Variants in TMEM108 observed in about 807,000 individuals in gnomAD.
The protein encoded by TMEM108 is transmembrane protein 108.
In TMEM108, 12 loss-of-function variants were observed where a neutral mutation model predicts 35.1. That is an observed-to-expected ratio of 0.34 (90% confidence interval 0.22 to 0.55). The LOEUF is 0.55. TMEM108 is among the 20% of genes least tolerant of loss of function. The pLI is 0.89. For synonymous variants in TMEM108, 287 were observed against 308.6 expected, an observed-to-expected ratio of 0.93 and a Z score of 0.73; for missense variants, 680 against 753.3, an observed-to-expected ratio of 0.90 and a Z score of 1.14.
At chr3:133,177,234 G>C (rs919723533) in intron 2 of TMEM108, among the ~76,000 whole-genome samples, 4 of 152,144 alleles carry the variant, frequency 2.6e-5, no homozygotes, top group Non-Finnish European at 4.4e-5. Flanking sequence ...TCTACCAGAG[G>C]TACAAGGAGG....
intron 2 of TMEM108, among the ~76,000 whole-genome samples, chr3:133,074,701 C>G (rs1387506917): frequency 6.6e-6 from 1 of 152,156 alleles, no homozygotes; most frequent in South Asian, 2.1e-4. Flanking sequence ...GTTGGCCAGG[C>G]TAGTCTCGAA....
chr3:133,370,927 G>A, intron 3 of TMEM108, among the ~76,000 whole-genome samples: 1 of 89,354 alleles, frequency 1.1e-5, no homozygotes, highest in Non-Finnish European at 2.4e-5. Context: ...TGTGTGCCAG[G>A]AAGCTTCATG....
intron 1 of TMEM108, among the ~76,000 whole-genome samples, chr3:133,043,107 T>C (rs764226069): frequency 7.9e-5 from 12 of 152,224 alleles, no homozygotes; most frequent in Non-Finnish European, 1.6e-4. Flanking sequence ...GAAAAAACTT[T>C]CATCATCCTA....
intron 3 of TMEM108, among the ~76,000 whole-genome samples, chr3:133,317,510 C>T (rs2071214284): frequency 6.6e-6 from 1 of 152,158 alleles, no homozygotes; most frequent in Non-Finnish European, 1.5e-5. Context: ...TACAGAATAA[C>T]AGACTGGAAA....
chr3:133,097,333 G>T (rs75478553), intron 2 of TMEM108, among the ~76,000 whole-genome samples: 5 of 152,306 alleles, frequency 3.3e-5, no homozygotes, highest in Admixed American at 6.5e-5. Flanking sequence ...TAGATGTCTG[G>T]TGATGAAAAC....
At chr3:133,214,072 T>A (rs1022493628) in intron 2 of TMEM108, among the ~76,000 whole-genome samples, 2 of 152,160 alleles carry the variant, frequency 1.3e-5, no homozygotes, top group Non-Finnish European at 2.9e-5. Flanking sequence ...TGGCCCAGTT[T>A]GTCTTGCATT....
At chr3:133,203,065 C>A (rs1387671452) in intron 2 of TMEM108, among the ~76,000 whole-genome samples, 3 of 152,032 alleles carry the variant, frequency 2.0e-5, no homozygotes, top group African/African-American at 7.2e-5. Context: ...TTCTGAATGG[C>A]AGTTCACTCA....
At chr3:133,361,366 G>C (rs1194182579) in intron 3 of TMEM108, among the ~76,000 whole-genome samples, 1 of 152,192 alleles carries the variant, frequency 6.6e-6, no homozygotes, top group East Asian at 1.9e-4. Flanking sequence ...CCATTTGTAT[G>C]TTTCCTCATC....
chr3:133,233,957 T>G (rs1398045287), intron 3 of TMEM108, among the ~76,000 whole-genome samples: 1 of 151,108 alleles, frequency 6.6e-6, no homozygotes, highest in Non-Finnish European at 1.5e-5. Flanking sequence ...GTCAGATGAG[T>G]AGGTTGTGAA....
chr3:133,361,405 G>A (rs980474142), intron 3 of TMEM108, among the ~76,000 whole-genome samples: 1 of 152,190 alleles, frequency 6.6e-6, no homozygotes, highest in Non-Finnish European at 1.5e-5. Flanking sequence ...ATAATACCTA[G>A]TTTAAAAGGT....
At chr3:133,316,213 C>G (rs923541507) in intron 3 of TMEM108, among the ~76,000 whole-genome samples, 3 of 151,982 alleles carry the variant, frequency 2.0e-5, no homozygotes, top group Non-Finnish European at 2.9e-5. Flanking sequence ...AAATACGTAC[C>G]CCACATTCTT....
At chr3:133,079,550 A>G (rs994691846) in intron 2 of TMEM108, among the ~76,000 whole-genome samples, 2 of 152,144 alleles carry the variant, frequency 1.3e-5, no homozygotes, top group African/African-American at 4.8e-5. Flanking sequence ...GAAAGGAGCA[A>G]AGGTCCTCTC....
At chr3:133,386,851 A>T in intron 4 of TMEM108, 1 of 617,866 alleles carries the variant, frequency 1.6e-6, no homozygotes, top group Non-Finnish European at 2.1e-6. Flanking sequence ...TGCAGTAATT[A>T]GTTGGGTGAT....
intron 2 of TMEM108, chr3:133,118,906 G>A (rs1944318548): frequency 6.6e-6 from 1 of 152,096 alleles, no homozygotes; most frequent in Admixed American, 6.6e-5. Flanking sequence ...CCCTGATGCT[G>A]GGCTTTTTCT....
chr3:133,188,144 T>G (rs1945448487), intron 2 of TMEM108, among the ~76,000 whole-genome samples: 1 of 152,206 alleles, frequency 6.6e-6, no homozygotes, highest in Non-Finnish European at 1.5e-5. Context: ...AGGGAATTTA[T>G]AGAGAGCAAA....
chr3:133,302,415 CTTTTTTTTTTT>C (rs927704510), intron 3 of TMEM108, among the ~76,000 whole-genome samples: 3 of 110,102 alleles, frequency 2.7e-5, no homozygotes, highest in South Asian at 3.3e-4. Context: ...TTCTTTCTTT[CTTTTTTTTTTT>C]TTTTTTTTTT....
intron 2 of TMEM108, among the ~76,000 whole-genome samples, chr3:133,224,279 G>A (rs1005495467): frequency 5.9e-5 from 9 of 152,138 alleles, no homozygotes; most frequent in African/African-American, 1.2e-4. Context: ...CTTGTGGGTC[G>A]CCCTTGACTT....
chr3:133,180,183 T>C (rs989076976), intron 2 of TMEM108, among the ~76,000 whole-genome samples: 4 of 152,166 alleles, frequency 2.6e-5, no homozygotes, highest in Non-Finnish European at 4.4e-5. Flanking sequence ...TTCTATCTAA[T>C]GTGGGGGAGA....
chr3:133,120,773 A>G (rs1283493114), intron 2 of TMEM108: 1 of 152,200 alleles, frequency 6.6e-6, no homozygotes, highest in East Asian at 1.9e-4. Flanking sequence ...TGCTCTTAGA[A>G]GAGTGCCTAG....
Sources: allele counts gnomAD v4.1 joint callset (sites outside exome capture counted in the v4.1 genomes callset), GRCh38; gene constraint gnomAD v4.1.1; transcripts MANE v1.5; gene names NCBI Gene and HGNC (gene_info 2026-07-23, HGNC 2026-07-21).